Variants in ESRRB observed in about 807,000 individuals in gnomAD.
The protein encoded by ESRRB is steroid hormone receptor ERR2.
In ESRRB, 16 loss-of-function variants were observed where a neutral mutation model predicts 46.0. That is an observed-to-expected ratio of 0.35 (90% CI 0.24 to 0.53). The LOEUF (loss-of-function observed/expected upper bound fraction) is 0.53, where lower values mean the gene tolerates loss of function less well. Ranked by LOEUF, ESRRB falls within the 20% of genes least tolerant of loss-of-function variation. The pLI is 0.93. For synonymous variants in ESRRB, 246 were observed against 259.6 expected (o/e 0.95, Z 0.50); for missense variants, 488 against 607.4 (o/e 0.80, Z 2.07).
At chr14:76,404,665 G>C in intron 1 of ESRRB, among the ~76,000 whole-genome samples, 1 of 152,022 alleles carries the variant, frequency 6.6e-6, no homozygotes, top group East Asian at 1.9e-4. Flanking sequence ...GCTTAGAATC[G>C]TCTCTGGCAA....
At chr14:76,311,509 G>T (rs1248068798) in intron 1 of ESRRB, among the ~76,000 whole-genome samples, 2 of 152,132 alleles carry the variant, frequency 1.3e-5, no homozygotes, top group Non-Finnish European at 2.9e-5. Context: ...TCTCCCCTCC[G>T]CGGAGCAAGT....
intron 1 of ESRRB, among the ~76,000 whole-genome samples, chr14:76,327,013 C>T (rs771752954): frequency 1.3e-5 from 2 of 152,250 alleles, no homozygotes; most frequent in African/African-American, 4.8e-5. Flanking sequence ...AGGCCTGGGC[C>T]GGGTGACCTC....
chr14:76,331,442 G>A (rs1218701667), intron 1 of ESRRB, among the ~76,000 whole-genome samples: 5 of 152,202 alleles, frequency 3.3e-5, no homozygotes, highest in African/African-American at 9.7e-5. Flanking sequence ...GCGCTGGCTC[G>A]TGTAGTGAGG....
chr14:76,322,797 C>T (rs1229671520), intron 1 of ESRRB, among the ~76,000 whole-genome samples: 3 of 152,188 alleles, frequency 2.0e-5, no homozygotes, highest in African/African-American at 7.2e-5. Context: ...CTGGCCTCCT[C>T]GCCCACTCTC....
Position 76,498,563 on chromosome 14 carries a change from G to A in ESRRB, c.*105G>A, listed in dbSNP as rs1890527240. The A allele has an allele frequency of 6.4e-7, 1 of 1,556,664 alleles. No homozygotes were observed. The highest frequency in any genetic ancestry group is 8.7e-7 in the Non-Finnish European group (1 of 1,146,972). ...CTCCACCTTCAACCCCTGTATCATG[G>A]CTCTGAGCTGTCCCAGAGGCGGGGG... On this transcript the variant is annotated 3_prime_UTR_variant, in exon 7 of 7. Coordinates refer to ENST00000644823, the MANE Select transcript of ESRRB (RefSeq NM_001379180.1).
At chr14:76,462,758 C>T in intron 3 of ESRRB, 97 bp downstream of exon 3, 1 of 949,910 alleles carries the variant, frequency 1.1e-6, no homozygotes, top group Non-Finnish European at 1.7e-6. Flanking sequence ...GACCTGTGTC[C>T]CAGGGTGAGA....
At chr14:76,447,243 CTCCT>C (rs11272399) in intron 2 of ESRRB, among the ~76,000 whole-genome samples, 11,485 of 132,986 alleles carry the variant, frequency 0.086, 529 homozygotes, top group African/African-American at 0.11. Context: ...TTTCTAAAGT[CTCCT>C]TCCTTCCTTC....
At chr14:76,372,200 G>A (rs1017280847), upstream of ESRRB, among the ~76,000 whole-genome samples, 3 of 152,162 alleles carry the variant, frequency 2.0e-5, no homozygotes, top group Admixed American at 2.0e-4. Context: ...GGGAACCTGT[G>A]TTTGTCTAGA....
rs780900566 is a variant in ESRRB at position 76,491,751 on chromosome 14, C to G, written c.1120+35C>G. ...GCGGCGGGGCCTGGAAGGGGAGCTT[C>G]TAGGGCTCTGCATGGGCCTAATGAG... On this transcript the variant is annotated intron_variant, in intron 6 of 6. Coordinates refer to ENST00000644823, the MANE Select transcript of ESRRB (RefSeq NM_001379180.1). 9.0e-6 allele frequency: 14 copies of G among 1,550,434 alleles called. No individual in the cohort carries two copies. The African/African-American group carries it at 1.9e-4, about 21-fold the overall frequency.
chr14:76,384,637 C>G (rs774520667), intron 1 of ESRRB, among the ~76,000 whole-genome samples: 3 of 152,212 alleles, frequency 2.0e-5, no homozygotes, highest in Non-Finnish European at 4.4e-5. Context: ...TTTGACCCCA[C>G]TACTGCCGGC....
At chr14:76,354,823 C>T (rs1236002656) in intron 1 of ESRRB, among the ~76,000 whole-genome samples, 1 of 151,550 alleles carries the variant, frequency 6.6e-6, no homozygotes, top group Non-Finnish European at 1.5e-5. Context: ...GATTCTCCTG[C>T]CTCAGCCTCC....
At chr14:76,484,984 A>G (rs1889949904) in intron 5 of ESRRB, among the ~76,000 whole-genome samples, 1 of 152,222 alleles carries the variant, frequency 6.6e-6, no homozygotes, top group Admixed American at 6.5e-5. Context: ...TGCTAATAGT[A>G]ATAAAAGCCT....
chr14:76,418,377 A>G (rs1886800346), intron 1 of ESRRB, among the ~76,000 whole-genome samples: 1 of 152,190 alleles, frequency 6.6e-6, no homozygotes, highest in Admixed American at 6.5e-5. Flanking sequence ...TTAGCTTCCT[A>G]TGTTACCATG....
chr14:76,411,544 G>A (rs186556352), intron 1 of ESRRB, among the ~76,000 whole-genome samples: 123 of 152,240 alleles, frequency 8.1e-4, no homozygotes, highest in African/African-American at 2.7e-3. Flanking sequence ...GGAGTGTGTT[G>A]AGTGAATCCT....
exon 1 of ESRRB, chr14:76,310,886 A>G (rs1400018866): frequency 4.4e-6 from 2 of 454,770 alleles, no homozygotes; most frequent in Non-Finnish European, 8.8e-6. Flanking sequence ...ACCCCAGCCC[A>G]GTCCTCGTCC....
chr14:76,465,943 G>C (rs1889091418), intron 3 of ESRRB, among the ~76,000 whole-genome samples: 2 of 152,214 alleles, frequency 1.3e-5, no homozygotes, highest in South Asian at 4.1e-4. Context: ...ACCCCCTTGG[G>C]AGGAGCATCC....
At chr14:76,399,664 C>G (rs1218305342) in intron 1 of ESRRB, among the ~76,000 whole-genome samples, 1 of 152,176 alleles carries the variant, frequency 6.6e-6, no homozygotes, top group African/African-American at 2.4e-5. Context: ...GGATGTGACT[C>G]TATTTCTCAG....
upstream of ESRRB, among the ~76,000 whole-genome samples, chr14:76,370,306 G>A (rs1177491877): frequency 6.7e-6 from 1 of 149,950 alleles, no homozygotes; most frequent in African/African-American, 2.4e-5. Flanking sequence ...GCTGAGGCAG[G>A]AGAATTACTT....
chr14:76,312,392 G>A (rs945580222), intron 1 of ESRRB, among the ~76,000 whole-genome samples: 31 of 151,956 alleles, frequency 2.0e-4, no homozygotes, highest in African/African-American at 7.5e-4. Flanking sequence ...ATTTTGTTTA[G>A]GGTTATTAAT....
Sources: gnomAD v4.1 joint callset for allele counts (sites outside exome capture counted in the v4.1 genomes callset) on GRCh38, gnomAD v4.1.1 for gene constraint, MANE v1.5 for transcripts, NCBI Gene and HGNC (gene_info 2026-07-23, HGNC 2026-07-21) for gene names.